The following IL31RA variants were observed in gnomAD, a reference collection of about 807,000 sequenced individuals.
IL31RA encodes the protein interleukin-31 receptor subunit alpha.
A neutral mutation model predicts 83.7 loss-of-function variants in IL31RA; 66 were observed. That is an observed-to-expected ratio of 0.79 (90% CI 0.65 to 0.97). The LOEUF (loss-of-function observed/expected upper bound fraction) is 0.97. IL31RA is among the 50% of genes least tolerant of loss of function. The pLI is 0.00. For synonymous variants in IL31RA, 325 were observed against 329.0 expected (o/e 0.99, Z 0.13); for missense variants, 798 against 919.4 (o/e 0.87, Z 1.71).
chr5:55,907,223 C>T, intron 9 of IL31RA, 136 bp from the exon 10 acceptor site: 1 of 664,870 alleles, frequency 1.5e-6, no homozygotes, highest in Non-Finnish European at 2.7e-6. Flanking sequence ...TCAACCTAAC[C>T]TGTTTATTTT....
chr5:55,858,451 C>T (rs1028368405), intron 1 of IL31RA, among the ~76,000 whole-genome samples: 1 of 151,960 alleles, frequency 6.6e-6, no homozygotes, highest in Non-Finnish European at 1.5e-5. Context: ...AAATGTTTCC[C>T]TTTGAGTTAT....
chr5:55,881,420 G>A (rs1747212359), intron 4 of IL31RA, among the ~76,000 whole-genome samples: 1 of 152,106 alleles, frequency 6.6e-6, no homozygotes, highest in Non-Finnish European at 1.5e-5. Context: ...GAGGTCAAGT[G>A]CCCCGTTTGA....
chr5:55,863,528 C>T (rs1005586949), intron 2 of IL31RA, among the ~76,000 whole-genome samples: 5 of 152,242 alleles, frequency 3.3e-5, no homozygotes, highest in East Asian at 1.9e-4. Context: ...ATCACTTGGA[C>T]GCTTCCTCTC....
Position 55,872,452 on chromosome 5 carries a change from G to GT in IL31RA, c.454+2dup, listed in dbSNP as rs1434851845. On this transcript the variant is annotated splice_donor_variant, in intron 4 of 14. Transcript: ENST00000652347. LOFTEE classifies it high-confidence loss of function. ...ACATACTGGAGATTAGAGAACATAGGTAAGTGTTATTTGATACTCTTATAT... is the reference window on the plus strand; with the variant it reads ...ACATACTGGAGATTAGAGAACATAGGTTAAGTGTTATTTGATACTCTTATAT... 6.3e-7 allele frequency: 1 copy of GT among 1,583,532 alleles called. No individual in the cohort carries two copies. Among genetic ancestry groups the GT allele is most frequent in the African/African-American group, 1.4e-5 (1 of 74,062 alleles).
upstream of IL31RA, among the ~76,000 whole-genome samples, chr5:55,848,845 C>G (rs1744992531): frequency 6.6e-6 from 1 of 152,188 alleles, no homozygotes; most frequent in Non-Finnish European, 1.5e-5. Context: ...TTAGAACTCT[C>G]TTTCTATGAC....
At chr5:55,852,668 T>C (rs564555840) in intron 1 of IL31RA, among the ~76,000 whole-genome samples, 14 of 152,292 alleles carry the variant, frequency 9.2e-5, no homozygotes, top group African/African-American at 3.1e-4. Context: ...TCTTCCCCGG[T>C]CTATTTATTT....
chr5:55,895,898 C>T (rs1561106476), intron 6 of IL31RA, among the ~76,000 whole-genome samples: 3 of 152,058 alleles, frequency 2.0e-5, no homozygotes, highest in Non-Finnish European at 1.5e-5. Context: ...TTAATTTTTT[C>T]TTTTATTTTA....
chr5:55,908,840 G>T, intron 11 of IL31RA: 8 of 1,356,718 alleles, frequency 5.9e-6, no homozygotes, highest in Non-Finnish European at 6.6e-6. Context: ...TTAAATACTG[G>T]GCAAGGCTTG....
At chr5:55,907,534 G>T (rs1243281329) in intron 10 of IL31RA, 74 bp downstream of exon 10, 2 of 963,222 alleles carry the variant, frequency 2.1e-6, no homozygotes, top group African/African-American at 3.2e-5. Flanking sequence ...GGCTGCAAGT[G>T]CCTGTAGCTC....
At chr5:55,864,569 AC>A (rs1745910187) in intron 2 of IL31RA, among the ~76,000 whole-genome samples, 1 of 151,092 alleles carries the variant, frequency 6.6e-6, no homozygotes, top group Non-Finnish European at 1.5e-5. Flanking sequence ...CATATGTCAC[AC>A]ATACCACACA....
the IL31RA span, chr5:55,840,104 A>C: frequency 3.1e-6 from 1 of 326,356 alleles, no homozygotes; most frequent in East Asian, 6.6e-5. Flanking sequence ...CCCACTTCTT[A>C]ATTATTTTGG....
intron 11 of IL31RA, among the ~76,000 whole-genome samples, chr5:55,910,183 C>A (rs575349852): frequency 6.6e-6 from 1 of 152,060 alleles, no homozygotes; most frequent in South Asian, 2.1e-4. Context: ...TCTTTTCATT[C>A]TTGATATTAT....
chr5:55,872,998 C>T (rs1189824951), intron 4 of IL31RA, among the ~76,000 whole-genome samples: 1 of 151,918 alleles, frequency 6.6e-6, no homozygotes, highest in Non-Finnish European at 1.5e-5. Flanking sequence ...CATATGTTAC[C>T]ACTGTCTAAT....
chr5:55,858,156 AG>A (rs768220814), intron 1 of IL31RA, among the ~76,000 whole-genome samples: 13 of 152,206 alleles, frequency 8.5e-5, no homozygotes, highest in Non-Finnish European at 1.8e-4. Flanking sequence ...TAATATTGAT[AG>A]GATTTTAAAT....
At chr5:55,908,522 A>C in intron 11 of IL31RA, 111 bp downstream of exon 11, 1 of 1,605,294 alleles carries the variant, frequency 6.2e-7, no homozygotes, top group Non-Finnish European at 8.5e-7. Flanking sequence ...GCAACCTGGC[A>C]TGAATCACTT....
At chr5:55,916,621 G>T (rs754191512) in intron 14 of IL31RA, 23 bp from the exon 15 acceptor site, 18 of 1,604,630 alleles carry the variant, frequency 1.1e-5, no homozygotes, top group Non-Finnish European at 1.4e-5. Flanking sequence ...TGACCACTTG[G>T]GATGTCCCTT....
intron 6 of IL31RA, among the ~76,000 whole-genome samples, chr5:55,895,745 A>G (rs1580714985): frequency 6.6e-6 from 1 of 152,204 alleles, no homozygotes; most frequent in Admixed American, 6.5e-5. Context: ...GTTTCCCTTC[A>G]TATGAATTTC....
intron 2 of IL31RA, among the ~76,000 whole-genome samples, chr5:55,862,038 T>A (rs1745719616): frequency 6.6e-6 from 1 of 152,204 alleles, no homozygotes; most frequent in East Asian, 1.9e-4. Context: ...ATTCTCCCAA[T>A]TTTTCTTAGA....
chr5:55,852,542 C>G (rs964042170), intron 1 of IL31RA, among the ~76,000 whole-genome samples: 3 of 152,144 alleles, frequency 2.0e-5, no homozygotes, highest in African/African-American at 7.2e-5. Context: ...CCTTATTCCT[C>G]CTACTTAGTG....
Sources: allele counts gnomAD v4.1 joint callset (sites outside exome capture counted in the v4.1 genomes callset), GRCh38; gene constraint gnomAD v4.1.1; transcripts MANE v1.5; gene names NCBI Gene and HGNC (gene_info 2026-07-23, HGNC 2026-07-21).